SLC30A2: variants seen among roughly 807,000 people sequenced by gnomAD.
SLC30A2 encodes proton-coupled zinc antiporter SLC30A2.
A neutral mutation model predicts 39.6 loss-of-function variants in SLC30A2; 19 were observed. The ratio of observed to expected loss-of-function variants is 0.48; its 90% CI spans 0.34 to 0.70. The LOEUF (loss-of-function observed/expected upper bound fraction) is 0.70, where lower values mean the gene tolerates loss of function less well. Among genes scored for constraint, SLC30A2 ranks in the 30% least tolerant of loss-of-function variants. The pLI is 0.01. For missense variants in SLC30A2, 387 were observed against 479.4 expected (o/e 0.81, Z 1.80); for synonymous variants, 195 against 194.8 (o/e 1.00, Z -0.01).
Position 26,039,362 on chromosome 1 carries a change from T to C in SLC30A2, c.974-57A>G. ...CATTTACTCTGGCCCTTTGGAACCA[T>C]CAGGAGCCCAAATCTCATACCCCAT... is the stretch of plus-strand genomic sequence containing the variant. On this transcript the variant is annotated intron_variant, in intron 7 of 7. Coordinates refer to ENST00000374276, the MANE Select transcript of SLC30A2 (RefSeq NM_001004434.3). The surrounding 1 kb of genome is among the most constrained non-coding windows in gnomAD (Gnocchi z 4.3). 1 of 1,386,900 alleles carries C rather than the reference T, an allele frequency of 7.2e-7. No homozygotes were observed. The highest frequency in any genetic ancestry group is 1.2e-5 in the South Asian group (1 of 83,300). 85.9% of individuals were successfully genotyped at this position (1,386,900 alleles called of 1,614,324 possible). A position where few individuals can be genotyped will look rare whatever the true frequency, so the allele number is the denominator to read the frequency against.
intron 1 of SLC30A2, chr1:26,045,581 TGGGCG>T: frequency 1.6e-6 from 1 of 640,540 alleles, no homozygotes; most frequent in Non-Finnish European, 2.7e-6. Context: ...GGCAAAGTGC[TGGGCG>T]GGGCGGGACT....
At position 26,038,998 on chromosome 1, in the gene SLC30A2, G is replaced by A; in HGVS notation, c.*162C>T. On this transcript the variant is annotated 3_prime_UTR_variant, in exon 8 of 8. Coordinates refer to ENST00000374276, the MANE Select transcript of SLC30A2 (RefSeq NM_001004434.3). Reference sequence around the variant, plus strand: ...CCCCACCCTGGCTGTAGTCAGATGGGAGGCTGGGAAGAGCTCCATTCCTGG... The same window carrying A: ...CCCCACCCTGGCTGTAGTCAGATGGAAGGCTGGGAAGAGCTCCATTCCTGG... The A allele has an allele frequency of 7.1e-7, 1 of 1,403,172 alleles. No homozygotes were observed. Among genetic ancestry groups the A allele is most frequent in the Non-Finnish European group, 9.3e-7 (1 of 1,076,512 alleles). 86.9% of individuals were successfully genotyped at this position (1,403,172 alleles called of 1,614,324 possible).
At chr1:26,041,631 C>G in intron 6 of SLC30A2, 69 bp downstream of exon 6, 1 of 920,674 alleles carries the variant, frequency 1.1e-6, no homozygotes, top group Non-Finnish European at 1.8e-6. Context: ...CAGACACACA[C>G]ATACCCTATT....
intron 1 of SLC30A2, 155 bp from the exon 2 acceptor site, chr1:26,045,372 G>T: frequency 1.5e-6 from 1 of 646,492 alleles, no homozygotes; most frequent in Non-Finnish European, 2.6e-6. Flanking sequence ...CCTGTATTCA[G>T]ACGGGGATGA....
chr1:26,044,390 G>T lies in SLC30A2; in HGVS notation c.326C>A (p.Thr109Asn), dbSNP rs1250248426. ...AVMTDAAHLL[T>N]DFASMLISLF... ...GCTGATGAGCATGCTGGCAAAGTCA[G>T]TGAGCAGGTGTGCTGCGTCAGTCAT... The change falls in exon 3 of 8, where the codon ACT becomes AAT. Residue 109 changes from threonine (T) to asparagine (N), a missense_variant. Transcript: ENST00000374276. 1 of 1,613,918 alleles carries T rather than the reference G, an allele frequency of 6.2e-7. No individual in the cohort carries two copies. The highest frequency in any genetic ancestry group is 2.2e-5 in the East Asian group (1 of 44,904).
rs192158017 is a variant in SLC30A2, at chr1:26,040,844, C to T, written c.838+856G>A. On this transcript the variant is annotated intron_variant, in intron 6 of 7. Transcript: ENST00000374276. ...TGGTGGCTCACATCTGTAACTCCAGCACTTTGAGAGGCCGAAGTGAGATGA... is the reference window on the plus strand; with the variant it reads ...TGGTGGCTCACATCTGTAACTCCAGTACTTTGAGAGGCCGAAGTGAGATGA... Among the ~76,000 whole-genome samples the T allele has an allele frequency of 3.3e-4, 50 of 151,974 alleles. 1 individual carries two copies. In the East Asian group the frequency reaches 9.5e-3, roughly 29 times the overall value.
intron 6 of SLC30A2, among the ~76,000 whole-genome samples, chr1:26,040,932 T>C (rs2050389887): frequency 7.1e-6 from 1 of 140,152 alleles, no homozygotes; most frequent in Non-Finnish European, 1.6e-5. Context: ...CCCCCATCTC[T>C]ACAAACATTT....
Position 26,045,960 on chromosome 1 carries a change from G to A in SLC30A2, c.-64C>T. ...CCGCCGAGTGCGCCCTGAAAGTTGC[G>A]CGCGGGACTCCGGGTGGCGCTCACC... On this transcript the variant is annotated 5_prime_UTR_variant, in exon 1 of 8. Coordinates refer to ENST00000374276, the MANE Select transcript of SLC30A2 (RefSeq NM_001004434.3). 1 of 1,596,442 alleles carries A rather than the reference G, an allele frequency of 6.3e-7. No individual in the cohort carries two copies. Among genetic ancestry groups the A allele is most frequent in the Non-Finnish European group, 8.5e-7 (1 of 1,176,724 alleles).
At chr1:26,041,041 G>A (rs1194347593) in intron 6 of SLC30A2, among the ~76,000 whole-genome samples, 3 of 151,898 alleles carry the variant, frequency 2.0e-5, no homozygotes, top group Non-Finnish European at 4.4e-5. Flanking sequence ...AGGCTGCGGT[G>A]AGCCTTGGTG....
At chr1:26,044,574 CA>C in intron 2 of SLC30A2, 130 bp from the exon 3 acceptor site, 1 of 847,994 alleles carries the variant, frequency 1.2e-6, no homozygotes, top group Non-Finnish European at 1.8e-6. Flanking sequence ...TGAGCTGTAC[CA>C]CCGTGACAAG....
Position 26,038,471 on chromosome 1 carries a change from A to C in SLC30A2, c.*689T>G, listed in dbSNP as rs1242392530. On this transcript the variant is annotated 3_prime_UTR_variant, in exon 8 of 8. Coordinates refer to ENST00000374276, the MANE Select transcript of SLC30A2 (RefSeq NM_001004434.3). ...AGTGCCAGGGGGCTTGGAGGCTGTT[A>C]GTGCAGAACCCAAGCTGAAATCTCT... 6.6e-6 allele frequency: 1 copy of C among 152,252 alleles called. No homozygotes were observed. Among genetic ancestry groups the C allele is most frequent in the Non-Finnish European group, 1.5e-5 (1 of 68,062 alleles). The allele number at this position is 152,252 out of a possible 1,614,324, so 9.4% of individuals were successfully genotyped here. A position where few individuals can be genotyped will look rare whatever the true frequency, so the allele number is the denominator to read the frequency against.
Position 26,039,709 on chromosome 1 carries a change from C to T in SLC30A2, c.973+68G>A, listed in dbSNP as rs1004795406. 1.7e-5 allele frequency: 27 copies of T among 1,542,954 alleles called. No homozygotes were observed. Among genetic ancestry groups the T allele is most frequent in the South Asian group, 2.4e-5 (2 of 84,670 alleles). On this transcript the variant is annotated intron_variant, in intron 7 of 7. Coordinates refer to ENST00000374276, the MANE Select transcript of SLC30A2 (RefSeq NM_001004434.3). This position sits in a 1 kb window ranked among gnomAD's most constrained non-coding sequence, Gnocchi z 4.3. ...GTGAGCATCTGGGGTCACCTGGACC[C>T]GTTGGGGATGGCACTAGGCCTTTGG... is the stretch of plus-strand genomic sequence containing the variant.
Position 26,045,959 on chromosome 1 carries a change from C to T in SLC30A2, c.-63G>A. ...CCCGCCGAGTGCGCCCTGAAAGTTG[C>T]GCGCGGGACTCCGGGTGGCGCTCAC... On this transcript the variant is annotated 5_prime_UTR_variant, in exon 1 of 8. Coordinates refer to ENST00000374276, the MANE Select transcript of SLC30A2 (RefSeq NM_001004434.3). The T allele has an allele frequency of 6.3e-7, 1 of 1,596,268 alleles. No individual in the cohort carries two copies. The highest frequency in any genetic ancestry group is 1.1e-5 in the South Asian group (1 of 90,682).
rs2050352636 is a variant in SLC30A2 at position 26,037,406 on chromosome 1, G to C, written c.*1754C>G. The stretch of plus-strand genomic sequence containing the variant: ...AAGCCACCACGCCTGGCTAGTTTTT[G>C]TATTTTTAGTAGAAATGAGGTTTCG... On this transcript the variant is annotated 3_prime_UTR_variant, in exon 8 of 8. Coordinates refer to ENST00000374276, the MANE Select transcript of SLC30A2 (RefSeq NM_001004434.3). 1 of 151,972 alleles carries C rather than the reference G, an allele frequency of 6.6e-6. No homozygotes were observed. The highest frequency in any genetic ancestry group is 2.4e-5 in the African/African-American group (1 of 41,366). The allele number at this position is 151,972 out of a possible 1,614,324, so 9.4% of individuals were successfully genotyped here. A position where few individuals can be genotyped will look rare whatever the true frequency, so the allele number is the denominator to read the frequency against.
In SLC30A2 at chr1:26,039,453, G is replaced by C. The variant is rs767234828; in HGVS notation, c.974-148C>G. On this transcript the variant is annotated intron_variant, in intron 7 of 7. Coordinates refer to ENST00000374276, the MANE Select transcript of SLC30A2 (RefSeq NM_001004434.3). This position sits in a 1 kb window ranked among gnomAD's most constrained non-coding sequence, Gnocchi z 4.3. ...CCCCCAGATTCCATTCCTCTGCCAG[G>C]TAGCCTCCCAGCCCAGACCTGGCTC... 5.8e-6 allele frequency: 4 copies of C among 690,686 alleles called. No homozygotes were observed. The highest frequency in any genetic ancestry group is 9.6e-6 in the Non-Finnish European group (4 of 418,848). The allele number at this position is 690,686 out of a possible 1,614,324, so 42.8% of individuals were successfully genotyped here.
intron 4 of SLC30A2, 78 bp downstream of exon 4, chr1:26,043,316 CTCTT>C: frequency 7.0e-7 from 1 of 1,435,148 alleles, no homozygotes; most frequent in South Asian, 1.2e-5. Flanking sequence ...GTGGCACAGT[CTCTT>C]TCCGCAAAGC....
In SLC30A2 at chr1:26,042,528, ACCCTGTGTCCCAG is replaced by A; in HGVS notation, c.732+8_732+20del. ...TCTACACTCCCCTGCCACCCCCACC[ACCCTGTGTCCCAG>A]CTCTGACCTTGAAGTATAAAATATA... On this transcript the variant is annotated splice_region_variant and intron_variant, in intron 5 of 7. Transcript: ENST00000374276. 1.9e-6 allele frequency: 3 copies of A among 1,606,246 alleles called. No homozygotes were observed. Among genetic ancestry groups the A allele is most frequent in the Non-Finnish European group, 2.6e-6 (3 of 1,173,844 alleles).
Position 26,039,774 on chromosome 1 carries a change from C to A in SLC30A2, c.973+3G>T. ...CCCCACCCTGAGTGTCCCAAGCACT[C>A]ACCAATGGCGATGTGGACAGACAGA... is the stretch of plus-strand genomic sequence containing the variant. On this transcript the variant is annotated splice_donor_region_variant and intron_variant, in intron 7 of 7. Coordinates refer to ENST00000374276, the MANE Select transcript of SLC30A2 (RefSeq NM_001004434.3). The surrounding 1 kb of genome is among the most constrained non-coding windows in gnomAD (Gnocchi z 4.3). 6.2e-7 allele frequency: 1 copy of A among 1,613,686 alleles called. No individual in the cohort carries two copies. The highest frequency in any genetic ancestry group is 8.5e-7 in the Non-Finnish European group (1 of 1,179,904).
chr1:26,044,211 G>A, intron 3 of SLC30A2, 87 bp downstream of exon 3: 7 of 1,393,758 alleles, frequency 5.0e-6, no homozygotes, highest in Non-Finnish European at 7.0e-6. Flanking sequence ...GAGGAAGGGG[G>A]GATCCACCCA....
Sources: allele counts gnomAD v4.1 joint callset (sites outside exome capture counted in the v4.1 genomes callset), GRCh38; gene constraint gnomAD v4.1.1; non-coding constraint Gnocchi (gnomAD v3.1); transcripts MANE v1.5; gene names NCBI Gene and HGNC (gene_info 2026-07-23, HGNC 2026-07-21).